PIEZO2: variants seen among roughly 807,000 people sequenced by gnomAD.
The protein encoded by PIEZO2 is piezo type mechanosensitive ion channel component 2.
In PIEZO2, 172 loss-of-function variants were observed where a neutral mutation model predicts 337.3. That is an observed-to-expected ratio of 0.51 (90% confidence interval 0.45 to 0.58). The LOEUF is 0.58. Among genes scored for constraint, PIEZO2 ranks in the 20% least tolerant of loss-of-function variants. The pLI, the probability that PIEZO2 is intolerant of heterozygous loss-of-function variation, is 0.00. For synonymous variants in PIEZO2, 1,251 were observed against 1,228.5 expected (o/e 1.02, Z -0.38); for missense variants, 3,028 against 3,391.3 (o/e 0.89, Z 2.66).
intron 4 of PIEZO2, among the ~76,000 whole-genome samples, chr18:10,874,629 A>G (rs1025467128): frequency 6.6e-6 from 1 of 152,222 alleles, no homozygotes; most frequent in Non-Finnish European, 1.5e-5. Flanking sequence ...ATGGAATATT[A>G]TTCAGCCATA....
intron 4 of PIEZO2, chr18:10,908,358 C>T (rs533393800): frequency 1.3e-5 from 2 of 152,234 alleles, no homozygotes; most frequent in South Asian, 2.1e-4. Context: ...TAAAATAATC[C>T]GCTGGCAACC....
chr18:10,958,610 A>G (rs2033636903), intron 3 of PIEZO2, among the ~76,000 whole-genome samples: 1 of 152,210 alleles, frequency 6.6e-6, no homozygotes, highest in African/African-American at 2.4e-5. Flanking sequence ...TCTTTCTACA[A>G]GGTATACATA....
rs932995017 is a variant in PIEZO2 at position 11,021,969 on chromosome 18, AG to A, written c.161-42310del. 6.6e-6 allele frequency among the ~76,000 whole-genome samples: 1 copy of A among 152,166 alleles called. No homozygotes were observed. The highest frequency in any genetic ancestry group is 6.5e-5 in the Admixed American group (1 of 15,274). On this transcript the variant is annotated intron_variant, in intron 2 of 55. Transcript: ENST00000674853. This position sits in a 1 kb window ranked among gnomAD's most constrained non-coding sequence, Gnocchi z 4.7. ...GTCACCACGTGTGAAGGGGATTTGC[AG>A]GGGGGTCTCTCAAGAACAAACCCCA...
intron 39 of PIEZO2, among the ~76,000 whole-genome samples, chr18:10,712,067 G>C (rs1168508064): frequency 6.6e-6 from 1 of 152,250 alleles, no homozygotes; most frequent in East Asian, 1.9e-4. Flanking sequence ...CATTCTCTTG[G>C]TTTTTGAAAA....
rs181905627 is a variant in PIEZO2, at chr18:10,917,811, G to A, written c.287-6583C>T. ...GGGCTGCCAGGCAGCTGAACATGTG[G>A]CCTGGCACAGAAATTGGTGATGAAA... On this transcript the variant is annotated intron_variant, in intron 3 of 55. Coordinates refer to ENST00000674853, the MANE Select transcript of PIEZO2 (RefSeq NM_001378183.1). 2.7e-3 allele frequency among the ~76,000 whole-genome samples: 408 copies of A among 152,280 alleles called. 3 individuals are homozygous for A. The highest frequency in any genetic ancestry group is 8.2e-3 in the African/African-American group (339 of 41,578).
At chr18:10,917,806 A>G (rs264279) in intron 3 of PIEZO2, among the ~76,000 whole-genome samples, 142,423 of 152,250 alleles carry the variant, frequency 0.94, 66,719 homozygotes, top group East Asian at 1. Flanking sequence ...GCAGCTGAAC[A>G]TGTGGCCTGG....
chr18:10,732,663 A>G (rs2036833816), intron 35 of PIEZO2, among the ~76,000 whole-genome samples: 1 of 152,232 alleles, frequency 6.6e-6, no homozygotes, highest in South Asian at 2.1e-4. Flanking sequence ...GAGGCAAAAA[A>G]TTATTCTATT....
chr18:10,976,904 C>T (rs1332165649), intron 3 of PIEZO2, among the ~76,000 whole-genome samples: 1 of 152,002 alleles, frequency 6.6e-6, no homozygotes, highest in Non-Finnish European at 1.5e-5. Context: ...CCTCCCTTCA[C>T]CACTCCCTTC....
intron 30 of PIEZO2, among the ~76,000 whole-genome samples, chr18:10,745,241 TG>T (rs970633728): frequency 2.4e-4 from 36 of 152,182 alleles, no homozygotes; most frequent in South Asian, 4.1e-4. Flanking sequence ...ACCCATAGCC[TG>T]GGGGACACGA....
chr18:10,700,216 T>G (rs778995068), intron 43 of PIEZO2, among the ~76,000 whole-genome samples: 1 of 152,192 alleles, frequency 6.6e-6, no homozygotes, highest in Admixed American at 6.5e-5. Flanking sequence ...TATTTACTTG[T>G]TTGCCAATTC....
Position 11,070,166 on chromosome 18 carries a change from T to C in PIEZO2, c.65-3944A>G, listed in dbSNP as rs954808153. Among the ~76,000 whole-genome samples the C allele has an allele frequency of 6.6e-6, 1 of 152,212 alleles. No individual in the cohort carries two copies. The highest frequency in any genetic ancestry group is 6.5e-5 in the Admixed American group (1 of 15,276). On this transcript the variant is annotated intron_variant, in intron 1 of 55. Coordinates refer to ENST00000674853, the MANE Select transcript of PIEZO2 (RefSeq NM_001378183.1). This position sits in a 1 kb window ranked among gnomAD's most constrained non-coding sequence, Gnocchi z 4.3. Reference sequence around the variant, plus strand: ...CTAGACATATGGTGTAGCCTACTGCTCCTAGGCCAAAAACCTATGCAGCAT... The same window carrying C: ...CTAGACATATGGTGTAGCCTACTGCCCCTAGGCCAAAAACCTATGCAGCAT...
In PIEZO2 at chr18:10,725,422, G is replaced by T. The variant is rs553404202; in HGVS notation, c.5029+5985C>A. The T allele has an allele frequency of 7.0e-5, 112 of 1,602,390 alleles. No homozygotes were observed. In the African/African-American group the frequency reaches 9.9e-4, roughly 14 times the overall value. On this transcript the variant is annotated intron_variant, in intron 36 of 55. Coordinates refer to ENST00000674853, the MANE Select transcript of PIEZO2 (RefSeq NM_001378183.1). ...TTGGCGGTCAACCTGACCAGAGCCC[G>T]CCAGTACTGGTTGGAGGGCATGCTG...
At chr18:10,725,241 G>A in intron 36 of PIEZO2, 1 of 1,564,916 alleles carries the variant, frequency 6.4e-7, no homozygotes, top group Non-Finnish European at 8.8e-7. Context: ...AACACTTTGA[G>A]GCTGCCACCG....
In PIEZO2 at chr18:10,988,721, T is replaced by C. The variant is rs2034976188; in HGVS notation, c.161-9061A>G. 6.6e-6 allele frequency among the ~76,000 whole-genome samples: 1 copy of C among 152,160 alleles called. No homozygotes were observed. Among genetic ancestry groups the C allele is most frequent in the South Asian group, 2.1e-4 (1 of 4,834 alleles). ...AATATTGGATAAGGAAATTGTGGCA[T>C]ATACATACATAGAATATTATTCATC... is the stretch of plus-strand genomic sequence containing the variant. On this transcript the variant is annotated intron_variant, in intron 2 of 55. Transcript: ENST00000674853. The surrounding 1 kb of genome is among the most constrained non-coding windows in gnomAD (Gnocchi z 4.8).
intron 7 of PIEZO2, among the ~76,000 whole-genome samples, chr18:10,814,098 G>A (rs1336173835): frequency 1.3e-5 from 2 of 151,684 alleles, no homozygotes; most frequent in Admixed American, 1.3e-4. Flanking sequence ...CTCCCAAGTA[G>A]CTGGGACTAC....
chr18:10,916,332 G>A (rs1252648438), intron 3 of PIEZO2, among the ~76,000 whole-genome samples: 1 of 152,148 alleles, frequency 6.6e-6, no homozygotes, highest in South Asian at 2.1e-4. Context: ...GAGCCGCCTA[G>A]CAGGGGGCGG....
rs576072188 is a variant in PIEZO2, at chr18:10,847,425, TGA to T, written c.917+7926_917+7927del. The stretch of plus-strand genomic sequence containing the variant: ...CTGGCCCAGAACACTTAATCCAGGC[TGA>T]GAGTCTGGAAGGTGCAGTGGGGAAG... On this transcript the variant is annotated intron_variant, in intron 7 of 55. Coordinates refer to ENST00000674853, the MANE Select transcript of PIEZO2 (RefSeq NM_001378183.1). This position sits in a 1 kb window ranked among gnomAD's most constrained non-coding sequence, Gnocchi z 5.7. Among the ~76,000 whole-genome samples, 9 of 152,306 alleles carry T rather than the reference TGA, an allele frequency of 5.9e-5. 1 individual carries two copies. In the South Asian group the frequency reaches 8.3e-4, roughly 14 times the overall value.
rs151000274 is a variant in PIEZO2 at position 10,862,447 on chromosome 18, G to A, written c.493-5236C>T. Among the ~76,000 whole-genome samples the A allele has an allele frequency of 2.4e-3, 369 of 152,220 alleles. No individual in the cohort carries two copies. Among genetic ancestry groups the A allele is most frequent in the Non-Finnish European group, 4.0e-3 (274 of 68,016 alleles). On this transcript the variant is annotated intron_variant, in intron 5 of 55. Transcript: ENST00000674853. The surrounding 1 kb of genome is among the most constrained non-coding windows in gnomAD (Gnocchi z 4.4). ...AATGAGACGGGATCTAAACCTTTGC[G>A]TCTCTGCATCTCATCCCACAACATC...
At chr18:11,065,460 A>C (rs2038117222) in intron 2 of PIEZO2, among the ~76,000 whole-genome samples, 2 of 152,252 alleles carry the variant, frequency 1.3e-5, no homozygotes, top group Admixed American at 1.3e-4. Context: ...TTGAAGTTGA[A>C]AAATTCACAA....
Sources: gnomAD v4.1 joint callset for allele counts (sites outside exome capture counted in the v4.1 genomes callset) on GRCh38, gnomAD v4.1.1 for gene constraint, Gnocchi (gnomAD v3.1) non-coding constraint, MANE v1.5 for transcripts, NCBI Gene and HGNC (gene_info 2026-07-23, HGNC 2026-07-21) for gene names.